Variants in DLGAP1 observed in about 807,000 individuals in gnomAD.
DLGAP1 encodes DLG associated protein 1.
Under a neutral mutation model 90.8 loss-of-function variants are expected in DLGAP1, and 11 were observed. The observed-to-expected ratio is 0.12, with a 90% CI of 0.08 to 0.20. DLGAP1 has a LOEUF of 0.20. Among genes scored for constraint, DLGAP1 ranks in the 10% least tolerant of loss-of-function variants. The pLI is 1.00. For synonymous variants in DLGAP1, 558 were observed against 540.7 expected, an observed-to-expected ratio of 1.03 and a Z score of -0.44; for missense variants, 1,050 against 1,333.8, an observed-to-expected ratio of 0.79 and a Z score of 3.31.
chr18:3,756,050 A>G (rs1049946093), intron 5 of DLGAP1, among the ~76,000 whole-genome samples: 13 of 151,892 alleles, frequency 8.6e-5, no homozygotes, highest in African/African-American at 3.1e-4. Flanking sequence ...ATTACACTAA[A>G]CATTATTTTT....
At chr18:3,568,485 A>G (rs748127784) in intron 8 of DLGAP1, among the ~76,000 whole-genome samples, 32 of 152,086 alleles carry the variant, frequency 2.1e-4, no homozygotes, top group Non-Finnish European at 4.6e-4. Context: ...TTTTAGAATT[A>G]TTAGGTTTAT....
intron 7 of DLGAP1, among the ~76,000 whole-genome samples, chr18:3,696,539 G>A (rs2061099503): frequency 1.3e-5 from 2 of 152,168 alleles, no homozygotes; most frequent in Non-Finnish European, 2.9e-5. Context: ...ACATCCCAGG[G>A]ATGAAGCCTA....
At chr18:3,570,148 C>G (rs1375623133) in intron 8 of DLGAP1, among the ~76,000 whole-genome samples, 1 of 152,000 alleles carries the variant, frequency 6.6e-6, no homozygotes, top group Non-Finnish European at 1.5e-5. Context: ...CTATGATGTT[C>G]ACACAATGAC....
chr18:3,900,655 G>T (rs776439241), intron 3 of DLGAP1, among the ~76,000 whole-genome samples: 1 of 152,172 alleles, frequency 6.6e-6, no homozygotes, highest in Non-Finnish European at 1.5e-5. Flanking sequence ...ACTTGTAAAA[G>T]AGGAACATTA....
chr18:4,080,220 T>A (rs2075585980), intron 2 of DLGAP1, among the ~76,000 whole-genome samples: 1 of 152,176 alleles, frequency 6.6e-6, no homozygotes, highest in African/African-American at 2.4e-5. Context: ...GAACCATGAT[T>A]TAATGTTAAA....
At chr18:4,422,898 A>G (rs2144692325) in intron 1 of DLGAP1, among the ~76,000 whole-genome samples, 1 of 152,256 alleles carries the variant, frequency 6.6e-6, no homozygotes, top group South Asian at 2.1e-4. Flanking sequence ...ACCATGAATG[A>G]ATAACATCCA....
chr18:3,744,886 A>G (rs1422844949), intron 5 of DLGAP1, among the ~76,000 whole-genome samples: 1 of 152,212 alleles, frequency 6.6e-6, no homozygotes, highest in Admixed American at 6.6e-5. Context: ...AACTCATTTT[A>G]AAGTTTATAT....
chr18:4,194,777 T>G (rs2077464195), intron 1 of DLGAP1, among the ~76,000 whole-genome samples: 2 of 152,226 alleles, frequency 1.3e-5, no homozygotes, highest in African/African-American at 4.8e-5. Context: ...TGTATTTCAC[T>G]TTTTAAAATA....
At chr18:3,746,555 CAACACT>C (rs2063278604) in intron 5 of DLGAP1, among the ~76,000 whole-genome samples, 1 of 151,988 alleles carries the variant, frequency 6.6e-6, no homozygotes, top group East Asian at 1.9e-4. Flanking sequence ...AACATATTTG[CAACACT>C]AAGCAGCAAA....
At chr18:3,523,978 A>G (rs1423189042) in intron 10 of DLGAP1, among the ~76,000 whole-genome samples, 1 of 152,158 alleles carries the variant, frequency 6.6e-6, no homozygotes, top group African/African-American at 2.4e-5. Flanking sequence ...TAAAGGAAAC[A>G]TAACAACAGG....
chr18:4,359,052 T>A (rs1243662240), intron 1 of DLGAP1, among the ~76,000 whole-genome samples: 3 of 152,240 alleles, frequency 2.0e-5, no homozygotes, highest in Admixed American at 1.3e-4. Flanking sequence ...GTTTTTCTTT[T>A]CTGAACAAGA....
Position 4,269,498 on chromosome 18 carries a change from A to C in DLGAP1, c.-266-118211T>G, listed in dbSNP as rs183979036. 3.2e-3 allele frequency among the ~76,000 whole-genome samples: 488 copies of C among 151,634 alleles called. 1 individual carries two copies. The highest frequency in any genetic ancestry group is 0.014 in the Middle Eastern group (4 of 294). On this transcript the variant is annotated intron_variant, in intron 1 of 12. Transcript: ENST00000315677. The stretch of plus-strand genomic sequence containing the variant: ...CCTCCCGAGTAGCTGGGACTACAGG[A>C]GCCCACCACCATGCGCGGCTAATTT...
chr18:4,420,752 C>A (rs528842106), intron 1 of DLGAP1, among the ~76,000 whole-genome samples: 1 of 152,336 alleles, frequency 6.6e-6, no homozygotes, highest in African/African-American at 2.4e-5. Flanking sequence ...ACCCAACATA[C>A]TATTGCTAAA....
Position 4,362,606 on chromosome 18 carries a change from G to T in DLGAP1, c.-267+92400C>A, listed in dbSNP as rs112832282. On this transcript the variant is annotated intron_variant, in intron 1 of 12. Transcript: ENST00000315677. ...GGAAATGGAAAGTTACTGTTTAATG[G>T]GTACAGAGTTTCAGTTTTGCAAGAT... 4.1e-3 allele frequency among the ~76,000 whole-genome samples: 627 copies of T among 152,230 alleles called. 4 individuals carry two copies. The highest frequency in any genetic ancestry group is 0.014 in the African/African-American group (596 of 41,542).
chr18:3,516,157 C>A (rs894963130), intron 10 of DLGAP1, among the ~76,000 whole-genome samples: 1 of 152,122 alleles, frequency 6.6e-6, no homozygotes, highest in Non-Finnish European at 1.5e-5. Flanking sequence ...TTGACCTTTT[C>A]CCATGAATCA....
At chr18:4,152,491 G>C (rs962371598) in intron 1 of DLGAP1, among the ~76,000 whole-genome samples, 3 of 152,186 alleles carry the variant, frequency 2.0e-5, no homozygotes, top group African/African-American at 7.2e-5. Context: ...CAGATGCTCT[G>C]TCTGGAAGTT....
chr18:3,783,610 T>C (rs140805005), intron 5 of DLGAP1, among the ~76,000 whole-genome samples: 244 of 152,254 alleles, frequency 1.6e-3, no homozygotes, highest in African/African-American at 5.8e-3. Flanking sequence ...TATCTGGGGC[T>C]GTGGGGAGGG....
intron 7 of DLGAP1, among the ~76,000 whole-genome samples, chr18:3,664,979 T>C (rs1047465606): frequency 6.6e-6 from 1 of 152,346 alleles, no homozygotes; most frequent in Admixed American, 6.5e-5. Flanking sequence ...ATGAGGCCAC[T>C]GGTCCTACTA....
At chr18:3,598,020 T>C (rs545137307) in intron 7 of DLGAP1, 42 of 152,378 alleles carry the variant, frequency 2.8e-4, no homozygotes, top group African/African-American at 9.4e-4. Flanking sequence ...TACCAGCTCC[T>C]TACTGATGCT....
Sources: gnomAD v4.1 joint callset for allele counts (sites outside exome capture counted in the v4.1 genomes callset) on GRCh38, gnomAD v4.1.1 for gene constraint, MANE v1.5 for transcripts, NCBI Gene and HGNC (gene_info 2026-07-23, HGNC 2026-07-21) for gene names.